The following KATNIP variants were observed in gnomAD, a reference collection of about 807,000 sequenced individuals.
KATNIP encodes the protein katanin-interacting protein.
KATNIP carries 126 observed loss-of-function variants against 174.0 expected under a neutral mutation model. The observed-to-expected ratio is 0.72, with a 90% CI of 0.63 to 0.84. The LOEUF (loss-of-function observed/expected upper bound fraction) is 0.84. Among genes scored for constraint, KATNIP ranks in the 40% least tolerant of loss-of-function variants. The pLI is 0.00. For missense variants in KATNIP, 1,958 were observed against 2,109.7 expected (o/e 0.93, Z 1.41); for synonymous variants, 810 against 835.7 (o/e 0.97, Z 0.53).
chr16:27,573,938 C>T lies in KATNIP; in HGVS notation c.45C>T (p.Cys15=). ...TLRKAERSWS[C]SREKKEGYAK... is the part of the protein sequence containing the mutation. ...GAAAGGCCGAGAGAAGCTGGTCCTG[C>T]TCACGAGAGAAAAAGGAGGTAAATG... Residue 15 remains cysteine (C), a synonymous_variant, in exon 2 of 28, where the codon TGC becomes TGT. Transcript: ENST00000261588. The T allele has an allele frequency of 6.2e-7, 1 of 1,614,142 alleles. No individual in the cohort carries two copies. Among genetic ancestry groups the T allele is most frequent in the African/African-American group, 1.3e-5 (1 of 75,048 alleles).
At chr16:27,732,844 C>T (rs927335821) in intron 14 of KATNIP, among the ~76,000 whole-genome samples, 4 of 152,232 alleles carry the variant, frequency 2.6e-5, no homozygotes, top group African/African-American at 9.6e-5. Context: ...GGGCAAAGAG[C>T]TAGGAAGGAC....
In KATNIP at chr16:27,750,520, C is replaced by T. The variant is rs577807326; in HGVS notation, c.3346+214C>T. Among the ~76,000 whole-genome samples, 10 of 150,694 alleles carry T rather than the reference C, an allele frequency of 6.6e-5. No individual in the cohort carries two copies. The East Asian group carries it at 1.4e-3, about 21-fold the overall frequency. The stretch of plus-strand genomic sequence containing the variant: ...CTGCAAGATCCGCCTCCCGGGTTCA[C>T]GCCATTCTCCTGCCTCAGCCTCACG... On this transcript the variant is annotated intron_variant, in intron 16 of 27. Transcript: ENST00000261588.
At chr16:27,745,220 C>T (rs1020762581) in intron 15 of KATNIP, among the ~76,000 whole-genome samples, 12 of 152,176 alleles carry the variant, frequency 7.9e-5, no homozygotes, top group Admixed American at 6.5e-5. Flanking sequence ...CACCTTGACC[C>T]CAAAGGTAGA....
intron 14 of KATNIP, among the ~76,000 whole-genome samples, chr16:27,723,976 G>T (rs923279061): frequency 2.0e-5 from 3 of 152,248 alleles, no homozygotes; most frequent in South Asian, 2.1e-4. Context: ...CTGTGTGTAC[G>T]CACAGTGCTG....
In KATNIP at chr16:27,749,926, A is replaced by G. The variant is rs774542383; in HGVS notation, c.2966A>G (p.His989Arg). 2 of 1,614,208 alleles carry G rather than the reference A, an allele frequency of 1.2e-6. No homozygotes were observed. The highest frequency in any genetic ancestry group is 1.6e-4 in the Middle Eastern group (1 of 6,062). ...ATCAAGTCTACCTGGGGGGACAGAC[A>G]CTATGTCGGCCTCAACGGAATAGAA... ...IDIKSTWGDR[H>R]YVGLNGIEIF... Residue 989 changes from histidine to arginine, a missense_variant, in exon 16 of 28, where the codon CAC becomes CGC. Around this residue, in one of 3 missense-constraint regions of KATNIP, gnomAD observed 1,557 missense variants for 1,617.8 expected, o/e 0.96. Transcript: ENST00000261588.
intron 13 of KATNIP, among the ~76,000 whole-genome samples, chr16:27,719,610 A>G (rs1207019700): frequency 6.7e-6 from 1 of 150,350 alleles, no homozygotes; most frequent in East Asian, 1.9e-4. Context: ...CGAACTCCTG[A>G]CCTCAAATGA....
Position 27,677,806 on chromosome 16 carries a change from T to G in KATNIP, c.618T>G (p.Ser206=). 1.9e-6 allele frequency: 3 copies of G among 1,614,136 alleles called. No individual in the cohort carries two copies. Among genetic ancestry groups the G allele is most frequent in the Non-Finnish European group, 2.5e-6 (3 of 1,179,980 alleles). ...ATTGTTCCAGCGATGAGTATGACTC[T>G]ATTGAGGAAGACATACTCTCTGAGC... ...QKDCSSDEYD[S]IEEDILSEPE... Residue 206 remains serine (S), a synonymous_variant, in exon 7 of 28, where the codon TCT becomes TCG. Transcript: ENST00000261588.
chr16:27,709,324 A>G (rs1404654200), intron 13 of KATNIP, among the ~76,000 whole-genome samples: 4 of 150,188 alleles, frequency 2.7e-5, no homozygotes, highest in African/African-American at 9.7e-5. Context: ...CTGTCTCTAA[A>G]AAAAAAAAAA....
At chr16:27,661,951 TATATAC>T (rs1344635842) in intron 6 of KATNIP, among the ~76,000 whole-genome samples, 3 of 66,234 alleles carry the variant, frequency 4.5e-5, no homozygotes, top group African/African-American at 2.1e-4. Context: ...TATATATATA[TATATAC>T]ACATACATAT....
At chr16:27,634,255 G>T (rs1567233330) in intron 5 of KATNIP, among the ~76,000 whole-genome samples, 1 of 152,218 alleles carries the variant, frequency 6.6e-6, no homozygotes, top group Non-Finnish European at 1.5e-5. Context: ...CTCGAGGGCT[G>T]TAATTGTCCT....
chr16:27,670,922 T>G (rs542307765), intron 6 of KATNIP, among the ~76,000 whole-genome samples: 136 of 152,324 alleles, frequency 8.9e-4, no homozygotes, highest in African/African-American at 3.2e-3. Flanking sequence ...CCGGGCGTAG[T>G]GGCTCACACC....
At chr16:27,742,752 T>C (rs1205837388) in intron 15 of KATNIP, among the ~76,000 whole-genome samples, 1 of 152,258 alleles carries the variant, frequency 6.6e-6, no homozygotes, top group Admixed American at 6.5e-5. Flanking sequence ...TTAGCTGTTC[T>C]GTCATCATCA....
chr16:27,599,820 G>T (rs376180242), intron 2 of KATNIP, among the ~76,000 whole-genome samples: 14 of 152,280 alleles, frequency 9.2e-5, no homozygotes, highest in African/African-American at 3.4e-4. Flanking sequence ...GGTGTTTGTG[G>T]TCCATCCGCC....
chr16:27,640,807 G>C (rs528515386), intron 5 of KATNIP, among the ~76,000 whole-genome samples: 1 of 151,766 alleles, frequency 6.6e-6, no homozygotes, highest in South Asian at 2.1e-4. Context: ...TCTGCGAGGT[G>C]AGCAGTAGTG....
chr16:27,612,551 G>A (rs560038852), intron 2 of KATNIP, among the ~76,000 whole-genome samples: 1 of 152,164 alleles, frequency 6.6e-6, no homozygotes, highest in Admixed American at 6.5e-5. Flanking sequence ...CTGAGGTCAG[G>A]AGTTCGAGAC....
At chr16:27,704,920 T>C (rs1459984523) in intron 12 of KATNIP, among the ~76,000 whole-genome samples, 7 of 146,814 alleles carry the variant, frequency 4.8e-5, no homozygotes, top group Non-Finnish European at 1.0e-4. Context: ...TTTTTTTTTT[T>C]TTTTTTCTTA....
At chr16:27,714,941 G>T (rs918215795) in intron 13 of KATNIP, among the ~76,000 whole-genome samples, 1 of 152,176 alleles carries the variant, frequency 6.6e-6, no homozygotes, top group Non-Finnish European at 1.5e-5. Context: ...TGTACAAGTT[G>T]ACAAGCTGAT....
intron 5 of KATNIP, among the ~76,000 whole-genome samples, chr16:27,643,590 CAA>C (rs562253355): frequency 4.2e-4 from 17 of 40,482 alleles, no homozygotes; most frequent in African/African-American, 1.6e-3. Context: ...GACTCTGTCT[CAA>C]AAAAAAAAAA....
intron 5 of KATNIP, among the ~76,000 whole-genome samples, chr16:27,635,288 G>A (rs1462973145): frequency 6.6e-6 from 1 of 152,144 alleles, no homozygotes; most frequent in Non-Finnish European, 1.5e-5. Flanking sequence ...GAGAATTCTT[G>A]TTAACCCTGT....
Sources: allele counts gnomAD v4.1 joint callset (sites outside exome capture counted in the v4.1 genomes callset), GRCh38; gene constraint gnomAD v4.1.1; regional missense constraint gnomAD v4.1.1; transcripts MANE v1.5; gene names NCBI Gene and HGNC (gene_info 2026-07-23, HGNC 2026-07-21).